CREM: variants seen among roughly 807,000 people sequenced by gnomAD.
The protein encoded by CREM is cAMP-responsive element modulator.
Under a neutral mutation model 37.3 loss-of-function variants are expected in CREM, and 13 were observed. That is an observed-to-expected ratio of 0.35 (90% CI 0.23 to 0.55). CREM has a LOEUF of 0.55. CREM is among the 20% of genes least tolerant of loss of function. CREM has a pLI of 0.88. For missense variants in CREM, 296 were observed against 362.3 expected, an observed-to-expected ratio of 0.82 and a Z score of 1.49; for synonymous variants, 124 against 120.2, an observed-to-expected ratio of 1.03 and a Z score of -0.21.
chr10:35,194,515 C>T (rs553593814), intron 6 of CREM, among the ~76,000 whole-genome samples: 4 of 152,318 alleles, frequency 2.6e-5, no homozygotes, highest in African/African-American at 9.6e-5. Context: ...GAGAATACTA[C>T]ATAATACTTG....
At chr10:35,147,367 A>C (rs1293644846) in intron 2 of CREM, among the ~76,000 whole-genome samples, 1 of 151,898 alleles carries the variant, frequency 6.6e-6, no homozygotes, top group African/African-American at 2.4e-5. Flanking sequence ...TAGGTTTTTA[A>C]ATTTTAGTTT....
At chr10:35,135,278 A>G (rs1023147515) in intron 1 of CREM, among the ~76,000 whole-genome samples, 5 of 152,204 alleles carry the variant, frequency 3.3e-5, no homozygotes, top group African/African-American at 1.2e-4. Context: ...AAACTAATCT[A>G]AAATATGCCT....
chr10:35,184,672 TC>T (rs1285494974), intron 5 of CREM, among the ~76,000 whole-genome samples: 1 of 152,070 alleles, frequency 6.6e-6, no homozygotes, highest in East Asian at 1.9e-4. Flanking sequence ...TATAATGACT[TC>T]CCCAGAAAAT....
intron 3 of CREM, among the ~76,000 whole-genome samples, chr10:35,159,682 A>G (rs1206123652): frequency 6.6e-6 from 1 of 152,228 alleles, no homozygotes; most frequent in Non-Finnish European, 1.5e-5. Flanking sequence ...TACAACCTTA[A>G]AAGCACAGGC....
In CREM at chr10:35,175,911, T is replaced by TA. The variant is rs530848520; in HGVS notation, c.169-2977dup. ...TCCCCAGCTGTAACTCTAGTGCAGTTACCTTCGGGCCAAACTATACATGTC... is the reference window on the plus strand; with the variant it reads ...TCCCCAGCTGTAACTCTAGTGCAGTTAACCTTCGGGCCAAACTATACATGTC... On this transcript the variant is annotated intron_variant, in intron 3 of 7. Transcript: ENST00000685392. The TA allele has an allele frequency of 1.9e-4, 302 of 1,553,350 alleles. 3 individuals are homozygous for TA. In the East Asian group the frequency reaches 4.6e-3, roughly 24 times the overall value.
In CREM at chr10:35,211,944, C is replaced by A; in HGVS notation, c.*546C>A. 1 of 841,752 alleles carries A rather than the reference C, an allele frequency of 1.2e-6. No homozygotes were observed. Among genetic ancestry groups the A allele is most frequent in the Non-Finnish European group, 1.7e-6 (1 of 590,192 alleles). 52.1% of individuals were successfully genotyped at this position (841,752 alleles called of 1,614,324 possible). A position where few individuals can be genotyped will look rare whatever the true frequency, so the allele number is the denominator to read the frequency against. ...CACTTAACATTCCTAAAATGCTTCA[C>A]TGTACGTAGTTAAGTCGTAGCTATA... On this transcript the variant is annotated 3_prime_UTR_variant, in exon 8 of 8. Coordinates refer to ENST00000685392, the MANE Select transcript of CREM (RefSeq NM_183011.2).
At chr10:35,176,498 C>T (rs1231341729) in intron 3 of CREM, among the ~76,000 whole-genome samples, 1 of 150,926 alleles carries the variant, frequency 6.6e-6, no homozygotes, top group Admixed American at 6.6e-5. Context: ...AGCTCCACCT[C>T]CCGGGTTCAC....
At chr10:35,197,498 G>C (rs904280230) in intron 6 of CREM, among the ~76,000 whole-genome samples, 4 of 151,484 alleles carry the variant, frequency 2.6e-5, no homozygotes, top group African/African-American at 9.7e-5. Flanking sequence ...TGTCGCCCAG[G>C]CTGGAGTGCA....
At chr10:35,184,226 G>A (rs1214080860) in intron 5 of CREM, among the ~76,000 whole-genome samples, 1 of 152,114 alleles carries the variant, frequency 6.6e-6, no homozygotes, top group Non-Finnish European at 1.5e-5. Flanking sequence ...CAGGATGTGG[G>A]GCAACACAGC....
intron 2 of CREM, among the ~76,000 whole-genome samples, chr10:35,146,001 A>G (rs866791516): frequency 2.0e-5 from 3 of 152,328 alleles, no homozygotes; most frequent in Middle Eastern, 3.4e-3. Context: ...GAGTTGTCCA[A>G]GGACCATAAT....
At chr10:35,194,660 G>A (rs2133962171) in intron 6 of CREM, among the ~76,000 whole-genome samples, 1 of 152,038 alleles carries the variant, frequency 6.6e-6, no homozygotes, top group East Asian at 1.9e-4. Flanking sequence ...AAAATGTTAA[G>A]TGAACACAGG....
chr10:35,197,178 T>C (rs1041609607), intron 6 of CREM, among the ~76,000 whole-genome samples: 16 of 152,114 alleles, frequency 1.1e-4, no homozygotes, highest in Non-Finnish European at 1.8e-4. Flanking sequence ...TTTTACAGAA[T>C]GAACATAACA....
At chr10:35,187,153 A>ATTAATAT (rs1462171042) in intron 5 of CREM, among the ~76,000 whole-genome samples, 1 of 54,364 alleles carries the variant, frequency 1.8e-5, no homozygotes, top group African/African-American at 7.2e-5. Context: ...TATAATATAT[A>ATTAATAT]TAATATATAT....
rs112470476 is a variant in CREM, at chr10:35,173,711, A to T, written c.169-5178A>T. Among the ~76,000 whole-genome samples, 937 of 152,318 alleles carry T rather than the reference A, an allele frequency of 6.2e-3. 12 individuals carry two copies. The highest frequency in any genetic ancestry group is 0.021 in the African/African-American group (887 of 41,570). Reference sequence around the variant, plus strand: ...TCAATGTCATCCATTGGCAGCTTGAAATCAGCCATAGTAGGAGTACTTACA... The same window carrying T: ...TCAATGTCATCCATTGGCAGCTTGATATCAGCCATAGTAGGAGTACTTACA... On this transcript the variant is annotated intron_variant, in intron 3 of 7. Coordinates refer to ENST00000685392, the MANE Select transcript of CREM (RefSeq NM_183011.2).
chr10:35,191,086 T>TTTTATTTATTTATTTA (rs10528009), intron 6 of CREM, among the ~76,000 whole-genome samples: 17,339 of 147,938 alleles, frequency 0.12, 1,092 homozygotes, highest in African/African-American at 0.15. Flanking sequence ...ACATTTTTCT[T>TTTTATTTATTTATTTA]TTTATTTATT....
rs192115235 is a variant in CREM, at chr10:35,144,090, T to A, written c.45-4278T>A. ...TAGGAAAAGGCCCATTGTCTGTGAT[T>A]TATTGTCTTCAGAGTGGATAGCAGC... On this transcript the variant is annotated intron_variant, in intron 2 of 7. Transcript: ENST00000685392. Among the ~76,000 whole-genome samples, 20 of 152,252 alleles carry A rather than the reference T, an allele frequency of 1.3e-4. No homozygotes were observed. In the East Asian group the frequency reaches 3.9e-3, roughly 29 times the overall value.
chr10:35,152,712 C>T (rs1037348866), intron 3 of CREM, among the ~76,000 whole-genome samples: 5 of 152,114 alleles, frequency 3.3e-5, no homozygotes, highest in Non-Finnish European at 7.3e-5. Context: ...TTGGAGAGTC[C>T]ATTTTAAATA....
rs150065156 is a variant in CREM at position 35,173,984 on chromosome 10, G to A, written c.169-4905G>A. ...TTCATACAGAGTTGCCTTTTGTGCCGGAAACATTTGTAGAATAAATCCAAT... is the reference window on the plus strand; with the variant it reads ...TTCATACAGAGTTGCCTTTTGTGCCAGAAACATTTGTAGAATAAATCCAAT... On this transcript the variant is annotated intron_variant, in intron 3 of 7. Coordinates refer to ENST00000685392, the MANE Select transcript of CREM (RefSeq NM_183011.2). Among the ~76,000 whole-genome samples the A allele has an allele frequency of 3.1e-3, 477 of 152,224 alleles. 2 individuals carry two copies. Among genetic ancestry groups the A allele is most frequent in the Non-Finnish European group, 4.8e-3 (329 of 67,998 alleles).
chr10:35,191,067 A>C (rs1282510710), intron 6 of CREM, among the ~76,000 whole-genome samples: 1 of 100,482 alleles, frequency 1.0e-5, no homozygotes, highest in East Asian at 3.1e-4. Context: ...TACTTCTTTT[A>C]ACAGTTGAAC....
Sources: gnomAD v4.1 joint callset for allele counts (sites outside exome capture counted in the v4.1 genomes callset) on GRCh38, gnomAD v4.1.1 for gene constraint, MANE v1.5 for transcripts, NCBI Gene and HGNC (gene_info 2026-07-23, HGNC 2026-07-21) for gene names.